Variants in NMT1 observed in about 807,000 individuals in gnomAD.
The protein encoded by NMT1 is N-myristoyltransferase 1.
In NMT1, 12 loss-of-function variants were observed where a neutral mutation model predicts 63.4. The observed-to-expected ratio is 0.19, with a 90% CI of 0.12 to 0.31. NMT1 has a LOEUF of 0.31. Ranked by LOEUF, NMT1 falls within the 10% of genes least tolerant of loss-of-function variation. The pLI is 1.00. For missense variants in NMT1, 432 were observed against 634.6 expected (o/e 0.68, Z 3.43); for synonymous variants, 228 against 234.3 (o/e 0.97, Z 0.25).
chr17:45,073,817 T>C (rs2053958579), intron 1 of NMT1, among the ~76,000 whole-genome samples: 1 of 152,218 alleles, frequency 6.6e-6, no homozygotes, highest in Non-Finnish European at 1.5e-5. Flanking sequence ...TTGCCTCACA[T>C]CTCTGGGCCT....
At chr17:45,095,615 T>A (rs895078025) in intron 4 of NMT1, among the ~76,000 whole-genome samples, 2 of 151,762 alleles carry the variant, frequency 1.3e-5, no homozygotes, top group Admixed American at 6.6e-5. Context: ...AAGAAAAAAA[T>A]TTAATAATTA....
chr17:45,062,380 T>C (rs2053869775), intron 1 of NMT1, among the ~76,000 whole-genome samples: 1 of 152,218 alleles, frequency 6.6e-6, no homozygotes, highest in Non-Finnish European at 1.5e-5. Context: ...TGTCTATATT[T>C]GTAGATATAT....
intron 1 of NMT1, among the ~76,000 whole-genome samples, chr17:45,072,411 C>A (rs1487835227): frequency 1.3e-5 from 2 of 151,420 alleles, no homozygotes; most frequent in Non-Finnish European, 2.9e-5. Flanking sequence ...AGGCGTGTAC[C>A]ACCACCACAC....
At chr17:45,099,791 G>A in intron 8 of NMT1, 1 of 413,652 alleles carries the variant, frequency 2.4e-6, no homozygotes, top group Non-Finnish European at 4.5e-6. Flanking sequence ...TGTAATTTTA[G>A]CCTAAGTAAA....
In NMT1 at chr17:45,103,640, A is replaced by G. The variant is rs2054182615; in HGVS notation, c.1165-69A>G. 3 of 1,489,370 alleles carry G rather than the reference A, an allele frequency of 2.0e-6. No individual in the cohort carries two copies. In the African/African-American group the frequency reaches 4.2e-5, roughly 21 times the overall value. The allele number at this position is 1,489,370 out of a possible 1,614,324, so 92.3% of individuals were successfully genotyped here. ...GCTGCCTGAAGGTGGAGTGAGAGAA[A>G]CATTTTGTTCCCGGGCCGCAGTGCC... On this transcript the variant is annotated intron_variant, in intron 9 of 11. Coordinates refer to ENST00000258960, the MANE Select transcript of NMT1 (RefSeq NM_021079.5). The surrounding 1 kb of genome is among the most constrained non-coding windows in gnomAD (Gnocchi z 4.8).
intron 1 of NMT1, among the ~76,000 whole-genome samples, chr17:45,068,604 G>A (rs1338892190): frequency 6.6e-6 from 1 of 152,118 alleles, no homozygotes; most frequent in Non-Finnish European, 1.5e-5. Flanking sequence ...CCCTTTACTT[G>A]GATTATATCC....
At chr17:45,088,832 T>G (rs777640014) in intron 3 of NMT1, among the ~76,000 whole-genome samples, 1 of 152,104 alleles carries the variant, frequency 6.6e-6, no homozygotes, top group Non-Finnish European at 1.5e-5. Context: ...CAGCATACTT[T>G]GTTTTCCTTT....
At chr17:45,102,693 G>A (rs2054174807) in intron 8 of NMT1, among the ~76,000 whole-genome samples, 3 of 152,226 alleles carry the variant, frequency 2.0e-5, no homozygotes, top group Admixed American at 2.0e-4. Context: ...GAGCATGAAG[G>A]GTTGTGTTTT....
chr17:45,065,877 G>A (rs2053899497), intron 1 of NMT1, among the ~76,000 whole-genome samples: 1 of 149,646 alleles, frequency 6.7e-6, no homozygotes, highest in South Asian at 2.1e-4. Flanking sequence ...ATTCTCCTGG[G>A]CCTTTTTTTT....
chr17:45,083,981 C>G (rs1319924877), intron 2 of NMT1, among the ~76,000 whole-genome samples: 4 of 152,086 alleles, frequency 2.6e-5, no homozygotes, highest in Non-Finnish European at 5.9e-5. Flanking sequence ...GCAATATGAA[C>G]ATACTGGTTT....
chr17:45,062,642 A>G (rs1346323419), intron 1 of NMT1, among the ~76,000 whole-genome samples: 31 of 152,224 alleles, frequency 2.0e-4, no homozygotes, highest in Admixed American at 2.0e-3. Flanking sequence ...TGCAGTACTC[A>G]GTAACATGCA....
rs1176200854 is a variant in NMT1 at position 45,105,234 on chromosome 17, A to G, written c.1470+238A>G. 1.3e-5 allele frequency among the ~76,000 whole-genome samples: 2 copies of G among 152,052 alleles called. No homozygotes were observed. The highest frequency in any genetic ancestry group is 6.5e-5 in the Admixed American group (1 of 15,272). ...ACACAGTAGCACGAAGATCATCTCCAATGAGGCCTTCCCACGTGAGGGAAC... is the reference window on the plus strand; with the variant it reads ...ACACAGTAGCACGAAGATCATCTCCGATGAGGCCTTCCCACGTGAGGGAAC... On this transcript the variant is annotated intron_variant, in intron 11 of 11. Transcript: ENST00000258960. The surrounding 1 kb of genome is among the most constrained non-coding windows in gnomAD (Gnocchi z 4.2).
At position 45,105,861 on chromosome 17, in the gene NMT1, G is replaced by A. The variant is rs2054199992; in HGVS notation, c.*222G>A. On this transcript the variant is annotated 3_prime_UTR_variant, in exon 12 of 12. Transcript: ENST00000258960. This position sits in a 1 kb window ranked among gnomAD's most constrained non-coding sequence, Gnocchi z 4.2. ...GTGTCTCTGGTCTCCGTGTTTTCCA[G>A]TTAATTACATCCTCATGCAGCCGTG... 2 of 539,970 alleles carry A rather than the reference G, an allele frequency of 3.7e-6. No individual in the cohort carries two copies. The highest frequency in any genetic ancestry group is 4.9e-5 in the South Asian group (2 of 41,022). The allele number at this position is 539,970 out of a possible 1,614,324, so 33.4% of individuals were successfully genotyped here. A position where few individuals can be genotyped will look rare whatever the true frequency, so the allele number is the denominator to read the frequency against.
At chr17:45,068,377 CAA>C (rs775743833) in intron 1 of NMT1, among the ~76,000 whole-genome samples, 46 of 152,126 alleles carry the variant, frequency 3.0e-4, no homozygotes, top group Non-Finnish European at 5.7e-4. Context: ...GAGGCTGAGA[CAA>C]GAGAATCACT....
intron 1 of NMT1, among the ~76,000 whole-genome samples, chr17:45,072,437 A>AT (rs1177289855): frequency 2.0e-5 from 3 of 146,900 alleles, no homozygotes; most frequent in East Asian, 2.1e-4. Flanking sequence ...TAATTTTTCT[A>AT]TTTTTTTAGT....
In NMT1 at chr17:45,108,489, A is replaced by T. The variant is rs1286717016; in HGVS notation, c.*2850A>T. Reference sequence around the variant, plus strand: ...GTCGCCCCCCTACTTGCTGGCTCTCAGAAGCCTAGGGGAGTCCCTGTGGTC... The same window carrying T: ...GTCGCCCCCCTACTTGCTGGCTCTCTGAAGCCTAGGGGAGTCCCTGTGGTC... On this transcript the variant is annotated 3_prime_UTR_variant, in exon 12 of 12. Coordinates refer to ENST00000258960, the MANE Select transcript of NMT1 (RefSeq NM_021079.5). The T allele has an allele frequency of 6.5e-6, 1 of 152,674 alleles. No homozygotes were observed. The highest frequency in any genetic ancestry group is 2.4e-5 in the African/African-American group (1 of 41,456). The allele number at this position is 152,674 out of a possible 1,614,324, so 9.5% of individuals were successfully genotyped here.
At chr17:45,085,714 C>T (rs574907207) in intron 2 of NMT1, among the ~76,000 whole-genome samples, 3 of 152,296 alleles carry the variant, frequency 2.0e-5, no homozygotes, top group East Asian at 1.9e-4. Flanking sequence ...GGGCAGCACC[C>T]ACCCATCATA....
At chr17:45,076,552 C>T (rs2053978902) in intron 1 of NMT1, among the ~76,000 whole-genome samples, 1 of 151,634 alleles carries the variant, frequency 6.6e-6, no homozygotes, top group Non-Finnish European at 1.5e-5. Context: ...GAGTTTGAGA[C>T]CAGACTGACC....
intron 2 of NMT1, chr17:45,083,598 G>A (rs556323593): frequency 2.0e-5 from 3 of 152,190 alleles, no homozygotes; most frequent in African/African-American, 7.2e-5. Flanking sequence ...ATCCCTACAA[G>A]GTAGGTAGGG....
Sources: allele counts gnomAD v4.1 joint callset (sites outside exome capture counted in the v4.1 genomes callset), GRCh38; gene constraint gnomAD v4.1.1; non-coding constraint Gnocchi (gnomAD v3.1); transcripts MANE v1.5; gene names NCBI Gene and HGNC (gene_info 2026-07-23, HGNC 2026-07-21).